NF1: variants seen among roughly 807,000 people sequenced by gnomAD.
NF1 encodes the protein neurofibromin.
In NF1, 122 loss-of-function variants were observed where a neutral mutation model predicts 325.7. That is an observed-to-expected ratio of 0.37 (90% CI 0.32 to 0.44). NF1 has a LOEUF of 0.44. Ranked by LOEUF, NF1 falls within the 20% of genes least tolerant of loss-of-function variation. The pLI, the probability that NF1 is intolerant of heterozygous loss-of-function variation, is 1.00. For synonymous variants in NF1, 1,091 were observed against 1,186.0 expected (o/e 0.92, Z 1.65); for missense variants, 2,140 against 3,415.4 (o/e 0.63, Z 9.31).
At chr17:31,229,735 C>A (rs2151430164) in intron 21 of NF1, 100 bp from the exon 22 acceptor site, 1 of 1,450,758 alleles carries the variant, frequency 6.9e-7, no homozygotes, top group Non-Finnish European at 9.7e-7. Context: ...CCTGTGGGTG[C>A]ACTTACTCTG....
In NF1 at chr17:31,201,499, G is replaced by T. The variant is rs2066529819; in HGVS notation, c.1260+14G>T. 2.5e-6 allele frequency: 4 copies of T among 1,595,680 alleles called. No individual in the cohort carries two copies. The highest frequency in any genetic ancestry group is 2.3e-5 in the South Asian group (2 of 88,788). ...ATCATCACCAATGTAAGTCCAAAAGGTATTGCTAAATTACTAAAAAAATTT... is the reference window on the plus strand; with the variant it reads ...ATCATCACCAATGTAAGTCCAAAAGTTATTGCTAAATTACTAAAAAAATTT... On this transcript the variant is annotated intron_variant, in intron 11 of 57. Transcript: ENST00000358273.
At chr17:31,358,657 A>C (rs764277226) in intron 55 of NF1, 35 bp downstream of exon 55, 3 of 1,612,974 alleles carry the variant, frequency 1.9e-6, no homozygotes, top group Middle Eastern at 3.3e-4. Context: ...ATGGTTGATG[A>C]ACTTGCTAAC....
chr17:31,173,200 A>G (rs1187496213), intron 5 of NF1, among the ~76,000 whole-genome samples: 3 of 152,114 alleles, frequency 2.0e-5, no homozygotes, highest in African/African-American at 7.2e-5. Flanking sequence ...GTGGATCACG[A>G]GGTCAGGAGA....
At chr17:31,308,116 A>AATT (rs1425084796) in intron 36 of NF1, among the ~76,000 whole-genome samples, 1 of 151,862 alleles carries the variant, frequency 6.6e-6, no homozygotes, top group Non-Finnish European at 1.5e-5. Flanking sequence ...TTGAGGGTTT[A>AATT]ATTTCTGTTA....
At chr17:31,209,900 A>T (rs1169208913) in intron 12 of NF1, among the ~76,000 whole-genome samples, 1 of 152,176 alleles carries the variant, frequency 6.6e-6, no homozygotes, top group African/African-American at 2.4e-5. Flanking sequence ...CACCTGCCTC[A>T]GTCTCCCAAA....
intron 36 of NF1, among the ~76,000 whole-genome samples, chr17:31,269,220 C>G (rs751337375): frequency 2.0e-5 from 3 of 152,144 alleles, no homozygotes; most frequent in Non-Finnish European, 2.9e-5. Context: ...GAAAGCTTGT[C>G]TGTCCCATTG....
intron 48 of NF1, among the ~76,000 whole-genome samples, chr17:31,344,944 G>A (rs2069932736): frequency 6.6e-6 from 1 of 152,162 alleles, no homozygotes; most frequent in Admixed American, 6.5e-5. Context: ...CCAACACGGT[G>A]AAACCCCATC....
chr17:31,358,701 A>G (rs2070332000), intron 55 of NF1, 79 bp downstream of exon 55: 7 of 1,539,308 alleles, frequency 4.5e-6, no homozygotes, highest in Non-Finnish European at 6.3e-6. Flanking sequence ...TGACTACAGA[A>G]TTCTTTATAA....
chr17:31,137,133 T>G (rs1915842234), intron 1 of NF1: 1 of 152,220 alleles, frequency 6.6e-6, no homozygotes, highest in South Asian at 2.1e-4. Context: ...TTTTGTTGTT[T>G]GTTCTGTAGT....
intron 4 of NF1, among the ~76,000 whole-genome samples, chr17:31,163,675 A>G (rs1166729116): frequency 2.6e-5 from 4 of 152,212 alleles, no homozygotes. Flanking sequence ...ACTGTTATGA[A>G]TGTGAAAGTC....
intron 36 of NF1, chr17:31,304,084 G>C: frequency 1.8e-6 from 1 of 548,962 alleles, no homozygotes; most frequent in Non-Finnish European, 3.1e-6. Context: ...ATAGATTACT[G>C]TTAAATAACT....
intron 36 of NF1, chr17:31,296,866 C>A (rs1228517716): frequency 6.3e-6 from 1 of 158,368 alleles, no homozygotes; most frequent in Non-Finnish European, 1.4e-5. Context: ...ATAAATATAT[C>A]TTTGTAAAAA....
In NF1 at chr17:31,313,713, A is replaced by T. The variant is rs1395867091; in HGVS notation, c.4836-12107A>T. ...AGAGCAAGACTCTATCTCAAAAAAA[A>T]AAAAAAATATGTGTGTGTGTGTGTG... On this transcript the variant is annotated intron_variant, in intron 36 of 57. Transcript: ENST00000358273. Among the ~76,000 whole-genome samples the T allele has an allele frequency of 3.9e-5, 5 of 126,586 alleles. No homozygotes were observed. In the East Asian group the frequency reaches 8.4e-4, roughly 21 times the overall value. The allele number at this position is 126,586 out of a possible 152,430, so 83.0% of individuals were successfully genotyped here. A position where few individuals can be genotyped will look rare whatever the true frequency, so the allele number is the denominator to read the frequency against.
intron 1 of NF1, among the ~76,000 whole-genome samples, chr17:31,124,765 A>AT (rs888219393): frequency 6.7e-6 from 1 of 149,646 alleles, no homozygotes; most frequent in Non-Finnish European, 1.5e-5. Flanking sequence ...ATGCGGGCTA[A>AT]TTTTTTTTTG....
At chr17:31,288,522 G>GTTTTTTTTTT (rs200926157) in intron 36 of NF1, among the ~76,000 whole-genome samples, 2 of 119,664 alleles carry the variant, frequency 1.7e-5, no homozygotes, top group Non-Finnish European at 3.8e-5. Context: ...TTTTTGCTTT[G>GTTTTTTTTTT]TTTTTTTTTT....
At chr17:31,281,281 T>G (rs1297796298) in intron 36 of NF1, among the ~76,000 whole-genome samples, 2 of 152,204 alleles carry the variant, frequency 1.3e-5, no homozygotes, top group African/African-American at 4.8e-5. Context: ...GGGAAGTGTT[T>G]ATGACACATT....
At chr17:31,370,493 A>G (rs1457889843) in intron 57 of NF1, among the ~76,000 whole-genome samples, 1 of 152,162 alleles carries the variant, frequency 6.6e-6, no homozygotes, top group East Asian at 1.9e-4. Context: ...CTCAACATTT[A>G]ACAGGAGATA....
intron 22 of NF1, 53 bp downstream of exon 22, chr17:31,230,027 T>G (rs2067086547): frequency 6.3e-7 from 1 of 1,594,078 alleles, no homozygotes; most frequent in Non-Finnish European, 8.6e-7. Flanking sequence ...AAGAAAAACC[T>G]CTTACACACT....
chr17:31,138,698 A>G (rs751638829), intron 1 of NF1, among the ~76,000 whole-genome samples: 18 of 151,166 alleles, frequency 1.2e-4, no homozygotes, highest in Non-Finnish European at 2.2e-4. Context: ...GGTTCACGCA[A>G]TTCTTCTGCC....
Sources: allele counts gnomAD v4.1 joint callset (sites outside exome capture counted in the v4.1 genomes callset), GRCh38; gene constraint gnomAD v4.1.1; transcripts MANE v1.5; gene names NCBI Gene and HGNC (gene_info 2026-07-23, HGNC 2026-07-21).